Variants in LMOD3 observed in about 807,000 individuals in gnomAD.
LMOD3 encodes the protein leiomodin 3.
A neutral mutation model predicts 41.8 loss-of-function variants in LMOD3; 31 were observed. That is an observed-to-expected ratio of 0.74 (90% CI 0.56 to 1.00). The LOEUF is 1.00. Ranked by LOEUF, LMOD3 falls within the 50% of genes least tolerant of loss-of-function variation. The pLI, the probability that LMOD3 is intolerant of heterozygous loss-of-function variation, is 0.00. For missense variants in LMOD3, 755 were observed against 679.5 expected, an observed-to-expected ratio of 1.11 and a Z score of -1.23; for synonymous variants, 292 against 241.9, an observed-to-expected ratio of 1.21 and a Z score of -1.92.
chr3:69,119,205 T>C lies in LMOD3; in HGVS notation c.1150A>G (p.Met384Val). ...CTGGTGAGCAGATTAGTGACCACCA[T>C]TCTGGGACCCGGAAGCTCAAAATGG... Reference protein sequence around the residue: ...GYHFELPGPRMVVTNLLTRNQ... With the variant: ...GYHFELPGPRVVVTNLLTRNQ... Residue 384 changes from methionine to valine, a missense_variant, in exon 2 of 3, where the codon ATG becomes GTG. Met to Val is a conservative substitution (Grantham distance 21). Transcript: ENST00000420581. 6.2e-7 allele frequency: 1 copy of C among 1,612,670 alleles called. No homozygotes were observed. The highest frequency in any genetic ancestry group is 1.3e-5 in the African/African-American group (1 of 74,830).
chr3:69,110,250 G>C (rs1470239105), intron 2 of LMOD3, among the ~76,000 whole-genome samples: 1 of 151,568 alleles, frequency 6.6e-6, no homozygotes, highest in Non-Finnish European at 1.5e-5. Flanking sequence ...ATTTTTTTTA[G>C]ACAAAGTCTT....
chr3:69,108,882 ATAT>A lies in LMOD3; in HGVS notation c.*210_*212del. ...TGCAAGTAGAAAATATTGCCTCTAA[ATAT>A]TATATTTTATCTCCTTCCACCTTCC... is the stretch of plus-strand genomic sequence containing the variant. On this transcript the variant is annotated 3_prime_UTR_variant, in exon 3 of 3. Coordinates refer to ENST00000420581, the MANE Select transcript of LMOD3 (RefSeq NM_198271.5). 2.4e-6 allele frequency: 1 copy of A among 422,114 alleles called. No homozygotes were observed. The allele number at this position is 422,114 out of a possible 1,614,324, so 26.1% of individuals were successfully genotyped here. A position where few individuals can be genotyped will look rare whatever the true frequency, so the allele number is the denominator to read the frequency against.
intron 1 of LMOD3, 122 bp from the exon 2 acceptor site, chr3:69,120,182 C>T (rs1037701989): frequency 1.8e-6 from 2 of 1,115,008 alleles, no homozygotes; most frequent in Non-Finnish European, 2.4e-6. Flanking sequence ...TTAAATAATC[C>T]TTATTTAAAT....
chr3:69,110,838 C>CAAAAAAAAAAAAAAAAAAAAAAA (rs774402446), intron 2 of LMOD3, among the ~76,000 whole-genome samples: 2 of 67,036 alleles, frequency 3.0e-5, no homozygotes, highest in East Asian at 5.5e-4. Context: ...GACACCATCT[C>CAAAAAAAAAAAAAAAAAAAAAAA]AAAAAAAAAA....
At chr3:69,114,468 G>T (rs770085109) in intron 2 of LMOD3, among the ~76,000 whole-genome samples, 3 of 152,142 alleles carry the variant, frequency 2.0e-5, no homozygotes, top group Non-Finnish European at 4.4e-5. Context: ...CTTCATTTCA[G>T]GTATCCCAGG....
rs2092335862 is a variant in LMOD3, at chr3:69,108,995, C to G, written c.*100G>C. ...GATGGTAGCATTGTTTCCAGTTCTG[C>G]CACGTGGATCCTAAAGTATTGCTGC... On this transcript the variant is annotated 3_prime_UTR_variant, in exon 3 of 3. Coordinates refer to ENST00000420581, the MANE Select transcript of LMOD3 (RefSeq NM_198271.5). 1 of 1,050,654 alleles carries G rather than the reference C, an allele frequency of 9.5e-7. No homozygotes were observed. Among genetic ancestry groups the G allele is most frequent in the Non-Finnish European group, 1.4e-6 (1 of 705,342 alleles). 65.1% of individuals were successfully genotyped at this position (1,050,654 alleles called of 1,614,324 possible).
chr3:69,109,800 A>G (rs2092339744), intron 2 of LMOD3, among the ~76,000 whole-genome samples: 2 of 152,048 alleles, frequency 1.3e-5, no homozygotes, highest in African/African-American at 4.8e-5. Flanking sequence ...AAGTGCTGAG[A>G]TTACAGGCAT....
rs147207275 is a variant in LMOD3, at chr3:69,112,567, G to A, written c.1657-3446C>T. ...TTGTAAGAAGTAGCATTTGAGTCAAGCCTTGGAAATTGGATAGATTCTAAC... is the reference window on the plus strand; with the variant it reads ...TTGTAAGAAGTAGCATTTGAGTCAAACCTTGGAAATTGGATAGATTCTAAC... On this transcript the variant is annotated intron_variant, in intron 2 of 2. Coordinates refer to ENST00000420581, the MANE Select transcript of LMOD3 (RefSeq NM_198271.5). Among the ~76,000 whole-genome samples, 12 of 152,344 alleles carry A rather than the reference G, an allele frequency of 7.9e-5. No individual in the cohort carries two copies. In the East Asian group the frequency reaches 1.9e-3, roughly 24 times the overall value.
chr3:69,115,986 C>T (rs541382030), intron 2 of LMOD3, among the ~76,000 whole-genome samples: 178 of 152,214 alleles, frequency 1.2e-3, no homozygotes, highest in African/African-American at 3.6e-3. Flanking sequence ...CTTAAAATAG[C>T]TTTTAAAGAA....
At position 69,109,006 on chromosome 3, in the gene LMOD3, C is replaced by T; in HGVS notation, c.*89G>A. ...TGTTTCCAGTTCTGCCACGTGGATCCTAAAGTATTGCTGCTGACATAGTCT... is the reference window on the plus strand; with the variant it reads ...TGTTTCCAGTTCTGCCACGTGGATCTTAAAGTATTGCTGCTGACATAGTCT... On this transcript the variant is annotated 3_prime_UTR_variant, in exon 3 of 3. Transcript: ENST00000420581. The T allele has an allele frequency of 8.5e-7, 1 of 1,176,086 alleles. No individual in the cohort carries two copies. The highest frequency in any genetic ancestry group is 1.2e-6 in the Non-Finnish European group (1 of 813,530). 72.9% of individuals were successfully genotyped at this position (1,176,086 alleles called of 1,614,324 possible).
At chr3:69,117,831 TG>T (rs1000820899) in intron 2 of LMOD3, among the ~76,000 whole-genome samples, 1 of 146,612 alleles carries the variant, frequency 6.8e-6, no homozygotes, top group Non-Finnish European at 1.5e-5. Context: ...CCAATTTGGG[TG>T]GTTTTTTTTT....
intron 2 of LMOD3, among the ~76,000 whole-genome samples, chr3:69,111,160 T>C (rs888862314): frequency 1.3e-5 from 2 of 152,130 alleles, no homozygotes; most frequent in Non-Finnish European, 1.5e-5. Context: ...GCCAGTGTGA[T>C]GAACCATTTT....
chr3:69,111,998 G>C (rs1024851022), intron 2 of LMOD3, among the ~76,000 whole-genome samples: 1 of 152,178 alleles, frequency 6.6e-6, no homozygotes, highest in South Asian at 2.1e-4. Flanking sequence ...TATAAAAGTT[G>C]CAAGAAAAGG....
chr3:69,117,507 G>A (rs1283682514), intron 2 of LMOD3, among the ~76,000 whole-genome samples: 3 of 152,118 alleles, frequency 2.0e-5, no homozygotes, highest in Non-Finnish European at 4.4e-5. Context: ...TCAATCACCT[G>A]CGGCCTCTGA....
rs749256389 is a variant in LMOD3 at position 69,122,287 on chromosome 3, C to T, written c.100G>A (p.Glu34Lys). The T allele has an allele frequency of 2.5e-6, 4 of 1,613,522 alleles. No individual in the cohort carries two copies. The highest frequency in any genetic ancestry group is 3.4e-6 in the Non-Finnish European group (4 of 1,179,700). Residue 34 changes from glutamate to lysine, a missense_variant, in exon 1 of 3, where the codon GAA becomes AAA. Transcript: ENST00000420581. ...ATGACTTCCATTTCCGACTGCAGTT[C>T]TTTCAGTTCTTCAGCAGACAAGTTG... is the stretch of plus-strand genomic sequence containing the variant. ...LANLSAEELK[E>K]LQSEMEVMAP...
chr3:69,108,947 G>T lies in LMOD3; in HGVS notation c.*148C>A. On this transcript the variant is annotated 3_prime_UTR_variant, in exon 3 of 3. Transcript: ENST00000420581. The stretch of plus-strand genomic sequence containing the variant: ...TACTTCTTCATGGCCCAAACATTCT[G>T]CCTTTTACAAATACCCTTATCAGAT... 1.5e-6 allele frequency: 1 copy of T among 656,644 alleles called. No individual in the cohort carries two copies. The highest frequency in any genetic ancestry group is 3.0e-5 in the Admixed American group (1 of 33,808). 40.7% of individuals were successfully genotyped at this position (656,644 alleles called of 1,614,324 possible). A position where few individuals can be genotyped will look rare whatever the true frequency, so the allele number is the denominator to read the frequency against.
intron 2 of LMOD3, among the ~76,000 whole-genome samples, chr3:69,115,906 C>G (rs1014876293): frequency 1.3e-5 from 2 of 152,172 alleles, no homozygotes; most frequent in African/African-American, 4.8e-5. Context: ...CACATCATAG[C>G]TACTCATACT....
chr3:69,114,762 G>C (rs553370268), intron 2 of LMOD3, among the ~76,000 whole-genome samples: 3 of 152,292 alleles, frequency 2.0e-5, no homozygotes, highest in Admixed American at 6.5e-5. Context: ...CTCCCAAAGT[G>C]CTGGGATCAC....
rs2107525731 is a variant in LMOD3 at position 69,118,815 on chromosome 3, C to T, written c.1540G>A (p.Val514Ile). 6.2e-7 allele frequency: 1 copy of T among 1,610,652 alleles called. No individual in the cohort carries two copies. Among genetic ancestry groups the T allele is most frequent in the Non-Finnish European group, 8.5e-7 (1 of 1,179,104 alleles). ...GGCACTGGCTTGAGCGTTTTGATGA[C>T]ATCTTTGAGGTTGGTTTTCTCGGGT... ...EPPEKTNLKD[V>I]IKTLKPVPRN... The change falls in exon 2 of 3, where the codon GTC becomes ATC. Residue 514 changes from valine to isoleucine, a missense_variant. Physicochemically the swap from Val to Ile is conservative, Grantham distance 29. Transcript: ENST00000420581.
Sources: gnomAD v4.1 joint callset for allele counts (sites outside exome capture counted in the v4.1 genomes callset) on GRCh38, gnomAD v4.1.1 for gene constraint, MANE v1.5 for transcripts, NCBI Gene and HGNC (gene_info 2026-07-23, HGNC 2026-07-21) for gene names.